Variants in ATP9A observed in about 807,000 individuals in gnomAD.
The protein encoded by ATP9A is probable phospholipid-transporting ATPase IIA.
Under a neutral mutation model 144.1 loss-of-function variants are expected in ATP9A, and 52 were observed. The ratio of observed to expected loss-of-function variants is 0.36; its 90% CI spans 0.29 to 0.45. The LOEUF (loss-of-function observed/expected upper bound fraction) is 0.45. Among genes scored for constraint, ATP9A ranks in the 20% least tolerant of loss-of-function variants. The pLI is 1.00. For synonymous variants in ATP9A, 582 were observed against 557.4 expected, an observed-to-expected ratio of 1.04 and a Z score of -0.62; for missense variants, 947 against 1,392.7, an observed-to-expected ratio of 0.68 and a Z score of 5.09.
chr20:51,689,018 C>CTT, intron 9 of ATP9A, 46 bp downstream of exon 9: 5 of 1,573,250 alleles, frequency 3.2e-6, no homozygotes, highest in Non-Finnish European at 4.4e-6. Flanking sequence ...AAAGGATTTT[C>CTT]TTTCCTTTTC....
In ATP9A at chr20:51,611,256, C is replaced by A. The variant is rs1355335757; in HGVS notation, c.2572-1091G>T. ...TGCTTTCTCGGCACAGAGCTCAGAG[C>A]GCAGGTGATCCTGAGCGCCATGGCC... On this transcript the variant is annotated intron_variant, in intron 23 of 27. Coordinates refer to ENST00000338821, the MANE Select transcript of ATP9A (RefSeq NM_006045.3). The surrounding 1 kb of genome is among the most constrained non-coding windows in gnomAD (Gnocchi z 4.2). Among the ~76,000 whole-genome samples, 1 of 152,158 alleles carries A rather than the reference C, an allele frequency of 6.6e-6. No individual in the cohort carries two copies. The highest frequency in any genetic ancestry group is 2.4e-5 in the African/African-American group (1 of 41,438).
intron 1 of ATP9A, among the ~76,000 whole-genome samples, chr20:51,755,672 T>C (rs2077852677): frequency 6.6e-6 from 1 of 151,856 alleles, no homozygotes; most frequent in Admixed American, 6.6e-5. Context: ...TGTTCAAGAA[T>C]GTTCATAGCA....
chr20:51,607,384 C>T, intron 26 of ATP9A, 143 bp downstream of exon 26: 5 of 677,270 alleles, frequency 7.4e-6, no homozygotes, highest in Admixed American at 2.6e-5. Context: ...ACAGGGTGAG[C>T]AGGGTCTCCC....
At chr20:51,765,112 G>A (rs998421953) in intron 1 of ATP9A, among the ~76,000 whole-genome samples, 3 of 152,020 alleles carry the variant, frequency 2.0e-5, no homozygotes, top group Non-Finnish European at 4.4e-5. Flanking sequence ...CAGACAGCCT[G>A]ACCCATTACA....
chr20:51,606,040 T>C (rs911348353), intron 26 of ATP9A, among the ~76,000 whole-genome samples: 30 of 151,396 alleles, frequency 2.0e-4, no homozygotes, highest in African/African-American at 7.3e-4. Flanking sequence ...GAGGCCAAGG[T>C]GGGCGGATCA....
chr20:51,659,426 T>A (rs2077402301), intron 13 of ATP9A, among the ~76,000 whole-genome samples: 1 of 152,202 alleles, frequency 6.6e-6, no homozygotes, highest in African/African-American at 2.4e-5. Flanking sequence ...AACTTAATAG[T>A]CCCAAGGTGG....
chr20:51,719,362 G>A (rs147377836), intron 3 of ATP9A, among the ~76,000 whole-genome samples: 1 of 152,216 alleles, frequency 6.6e-6, no homozygotes, highest in African/African-American at 2.4e-5. Flanking sequence ...AGTTGTTGAT[G>A]TTTAAAAATC....
At chr20:51,613,172 G>A (rs2077191069) in intron 23 of ATP9A, among the ~76,000 whole-genome samples, 1 of 152,176 alleles carries the variant, frequency 6.6e-6, no homozygotes, top group Non-Finnish European at 1.5e-5. Context: ...TAAGGTACAG[G>A]AGGCACACAA....
At chr20:51,758,221 C>G (rs2077864546) in intron 1 of ATP9A, among the ~76,000 whole-genome samples, 2 of 152,164 alleles carry the variant, frequency 1.3e-5, no homozygotes, top group Non-Finnish European at 2.9e-5. Flanking sequence ...ATCTTTCAAA[C>G]TCACAAATTA....
At chr20:51,750,514 G>A (rs1300418967) in intron 1 of ATP9A, among the ~76,000 whole-genome samples, 4 of 152,200 alleles carry the variant, frequency 2.6e-5, no homozygotes, top group Admixed American at 2.0e-4. Flanking sequence ...GAATCCAGTG[G>A]AAGGCAATTT....
intron 15 of ATP9A, among the ~76,000 whole-genome samples, chr20:51,635,852 G>A (rs1162793150): frequency 8.5e-6 from 1 of 118,270 alleles, no homozygotes; most frequent in Non-Finnish European, 1.9e-5. Context: ...GAAAAAGGAA[G>A]GAAGGAGGAA....
chr20:51,617,892 C>G (rs16996124), intron 21 of ATP9A, among the ~76,000 whole-genome samples: 1 of 152,194 alleles, frequency 6.6e-6, no homozygotes, highest in Non-Finnish European at 1.5e-5. Context: ...TCTTACTGGA[C>G]GCTTTCCATG....
In ATP9A at chr20:51,656,980, G is replaced by C; in HGVS notation, c.1464C>G (p.Tyr488Ter). Residue 488 changes from tyrosine to a stop codon, truncating the protein, a stop_gained, in exon 14 of 28, where the codon TAC (tyrosine) becomes TAG (stop). Coordinates refer to ENST00000338821, the MANE Select transcript of ATP9A (RefSeq NM_006045.3). LOFTEE classifies it high-confidence loss of function. ...VTDQAEAEKQ[Y>*]EDSCRVYQAS... Reference sequence around the variant, plus strand: ...CCTGGTATACGCGGCAGGAGTCTTCGTACTGCTTCTCGGCCTCAGCCTGAT... The same window carrying C: ...CCTGGTATACGCGGCAGGAGTCTTCCTACTGCTTCTCGGCCTCAGCCTGAT... 8 of 1,614,144 alleles carry C rather than the reference G, an allele frequency of 5.0e-6. No individual in the cohort carries two copies. Among genetic ancestry groups the C allele is most frequent in the Non-Finnish European group, 6.8e-6 (8 of 1,180,040 alleles).
intron 13 of ATP9A, among the ~76,000 whole-genome samples, chr20:51,658,653 G>C (rs1181294983): frequency 6.6e-6 from 1 of 150,794 alleles, no homozygotes; most frequent in Non-Finnish European, 1.5e-5. Flanking sequence ...CCGAGTAGCT[G>C]GCATTACAGG....
intron 2 of ATP9A, among the ~76,000 whole-genome samples, chr20:51,729,511 G>C (rs1244466414): frequency 6.6e-6 from 1 of 152,186 alleles, no homozygotes; most frequent in African/African-American, 2.4e-5. Context: ...TTGAGAGGCT[G>C]AAGTGGGTGG....
rs577602421 is a variant in ATP9A, at chr20:51,765,243, C to T, written c.68+3059G>A. On this transcript the variant is annotated intron_variant, in intron 1 of 27. Transcript: ENST00000338821. ...TCTGTGCTTCTCAAGAGTTTCTAAA[C>T]TTCAGGATTCCACCTTGATGTTGCT... Among the ~76,000 whole-genome samples the T allele has an allele frequency of 1.1e-4, 16 of 152,276 alleles. 1 individual carries two copies. Among genetic ancestry groups the T allele is most frequent in the African/African-American group, 3.8e-4 (16 of 41,576 alleles).
intron 1 of ATP9A, among the ~76,000 whole-genome samples, chr20:51,760,125 G>A (rs2077872743): frequency 6.6e-6 from 1 of 152,136 alleles, no homozygotes; most frequent in Admixed American, 6.6e-5. Context: ...GCACAGTGCA[G>A]AAGAACTAGT....
At position 51,712,265 on chromosome 20, in the gene ATP9A, A is replaced by G. The variant is rs184940984; in HGVS notation, c.436+701T>C. Among the ~76,000 whole-genome samples, 321 of 152,082 alleles carry G rather than the reference A, an allele frequency of 2.1e-3. 2 individuals are homozygous for G. Among genetic ancestry groups the G allele is most frequent in the Admixed American group, 0.012 (182 of 15,260 alleles). ...TTTTTTTTGTATTTTTAGTAGAGACAGGGTTTCACCATGTTAGCCAGGATG... is the reference window on the plus strand; with the variant it reads ...TTTTTTTTGTATTTTTAGTAGAGACGGGGTTTCACCATGTTAGCCAGGATG... On this transcript the variant is annotated intron_variant, in intron 4 of 27. Transcript: ENST00000338821.
intron 1 of ATP9A, among the ~76,000 whole-genome samples, chr20:51,752,186 C>T (rs1308156322): frequency 6.6e-6 from 1 of 152,164 alleles, no homozygotes; most frequent in South Asian, 2.1e-4. Context: ...CAGCAGCTTA[C>T]GAGCTGTGGG....
Sources: gnomAD v4.1 joint callset for allele counts (sites outside exome capture counted in the v4.1 genomes callset) on GRCh38, gnomAD v4.1.1 for gene constraint, Gnocchi (gnomAD v3.1) non-coding constraint, MANE v1.5 for transcripts, NCBI Gene and HGNC (gene_info 2026-07-23, HGNC 2026-07-21) for gene names.